PCDHGA5: variants seen among roughly 807,000 people sequenced by gnomAD.
PCDHGA5 encodes the protein protocadherin gamma-A5.
PCDHGA5 carries 36 observed loss-of-function variants against 56.7 expected under a neutral mutation model. The ratio of observed to expected loss-of-function variants is 0.64; its 90% CI spans 0.49 to 0.84. The LOEUF is 0.84. PCDHGA5 is among the 40% of genes least tolerant of loss of function. PCDHGA5 has a pLI of 0.00. For synonymous variants in PCDHGA5, 563 were observed against 520.2 expected, an observed-to-expected ratio of 1.08 and a Z score of -1.12; for missense variants, 1,305 against 1,201.5, an observed-to-expected ratio of 1.09 and a Z score of -1.27.
intron 1 of PCDHGA5, among the ~76,000 whole-genome samples, chr5:141,407,130 T>C (rs1218017139): frequency 1.3e-5 from 2 of 152,230 alleles, no homozygotes; most frequent in Non-Finnish European, 2.9e-5. Flanking sequence ...TTGCTTTATT[T>C]TTAAGAAAAA....
chr5:141,428,116 A>G, intron 1 of PCDHGA5: 1 of 1,607,216 alleles, frequency 6.2e-7, no homozygotes, highest in Non-Finnish European at 8.5e-7. Flanking sequence ...CAGGCCATCG[A>G]GCCCGGGCTT....
At chr5:141,454,837 G>A (rs1269424734) in intron 1 of PCDHGA5, among the ~76,000 whole-genome samples, 4 of 90,354 alleles carry the variant, frequency 4.4e-5, no homozygotes, top group East Asian at 6.5e-4. Flanking sequence ...AGACAGAGTC[G>A]CGCTCTGTCA....
intron 2 of PCDHGA5, among the ~76,000 whole-genome samples, chr5:141,502,988 C>A (rs1285178746): frequency 6.7e-6 from 1 of 150,346 alleles, no homozygotes; most frequent in Non-Finnish European, 1.5e-5. Flanking sequence ...GGATTACAGG[C>A]GTGTGCCACC....
intron 1 of PCDHGA5, among the ~76,000 whole-genome samples, chr5:141,447,104 A>G (rs1212797996): frequency 2.0e-5 from 3 of 151,958 alleles, no homozygotes; most frequent in African/African-American, 7.3e-5. Flanking sequence ...TCACATGATT[A>G]TATGTGCTCC....
Position 141,423,758 on chromosome 5 carries a change from GGGT to G in PCDHGA5, c.2421+57010_2421+57012del, listed in dbSNP as rs776356896. The G allele has an allele frequency of 7.0e-4, 256 of 366,834 alleles. 2 individuals are homozygous for G. The highest frequency in any genetic ancestry group is 6.8e-3 in the African/African-American group (232 of 34,230). The allele number at this position is 366,834 out of a possible 1,614,324, so 22.7% of individuals were successfully genotyped here. A position where few individuals can be genotyped will look rare whatever the true frequency, so the allele number is the denominator to read the frequency against. ...CTGTTATGAAAACTGTTTGGGGGGG[GGGT>G]GGGGCGGCATATATTTAGTTCATAT... On this transcript the variant is annotated intron_variant, in intron 1 of 3. Coordinates refer to ENST00000518069, the MANE Select transcript of PCDHGA5 (RefSeq NM_018918.3).
chr5:141,426,802 C>G (rs2096961440), intron 1 of PCDHGA5: 1 of 456,696 alleles, frequency 2.2e-6, no homozygotes, highest in South Asian at 1.5e-5. Flanking sequence ...CAGCTCAGTT[C>G]TAATGAACAT....
At position 141,403,413 on chromosome 5, in the gene PCDHGA5, T is replaced by G. The variant is rs1467852757; in HGVS notation, c.2421+36662T>G. The G allele has an allele frequency of 1.2e-6, 2 of 1,613,928 alleles. No individual in the cohort carries two copies. Among genetic ancestry groups the G allele is most frequent in the African/African-American group, 2.7e-5 (2 of 74,948 alleles). ...GCGGTTCCTGGAGCACGTTATCCACTTCCAGAAGCTATTGATCCGGATGTT... is the reference window on the plus strand; with the variant it reads ...GCGGTTCCTGGAGCACGTTATCCACGTCCAGAAGCTATTGATCCGGATGTT... On this transcript the variant is annotated intron_variant, in intron 1 of 3. Transcript: ENST00000518069.
intron 1 of PCDHGA5, chr5:141,384,943 G>A (rs777478209): frequency 5.6e-6 from 9 of 1,613,996 alleles, no homozygotes; most frequent in African/African-American, 2.7e-5. Context: ...TGAGCCCTCC[G>A]ACGGTCCTTA....
chr5:141,484,552 G>T (rs2099597743), intron 1 of PCDHGA5, among the ~76,000 whole-genome samples: 1 of 152,138 alleles, frequency 6.6e-6, no homozygotes, highest in African/African-American at 2.4e-5. Context: ...CTAATTAGCA[G>T]TTGCTCCAAT....
intron 1 of PCDHGA5, chr5:141,370,922 G>C (rs563952977): frequency 6.2e-7 from 1 of 1,613,978 alleles, no homozygotes; most frequent in Admixed American, 1.7e-5. Context: ...GCCCTGATCC[G>C]CACTTCTCTT....
At chr5:141,400,341 C>T in intron 1 of PCDHGA5, 7 of 1,614,070 alleles carry the variant, frequency 4.3e-6, no homozygotes, top group Non-Finnish European at 5.9e-6. Flanking sequence ...TTCCCCCCAA[C>T]TACAGTCAGG....
chr5:141,412,154 A>G (rs528810323), intron 1 of PCDHGA5: 1 of 152,344 alleles, frequency 6.6e-6, no homozygotes, highest in Admixed American at 6.5e-5. Flanking sequence ...ACTGCCTAAG[A>G]GAAGAGATTA....
intron 1 of PCDHGA5, chr5:141,420,003 T>C: frequency 6.2e-7 from 1 of 1,614,100 alleles, no homozygotes; most frequent in Non-Finnish European, 8.5e-7. Flanking sequence ...GCTCTACGCC[T>C]GCGACAGTCT....
At chr5:141,394,175 T>A in intron 1 of PCDHGA5, 1 of 1,613,944 alleles carries the variant, frequency 6.2e-7, no homozygotes, top group South Asian at 1.1e-5. Flanking sequence ...CTTTCCCTCA[T>A]GCCTCCTACT....
intron 1 of PCDHGA5, among the ~76,000 whole-genome samples, chr5:141,406,473 T>A (rs2094813817): frequency 6.6e-6 from 1 of 152,248 alleles, no homozygotes; most frequent in African/African-American, 2.4e-5. Context: ...CTCTTTGAGG[T>A]TATATTTTTC....
chr5:141,431,725 G>A lies in PCDHGA5; in HGVS notation c.2422-63082G>A. The A allele has an allele frequency of 6.2e-7, 1 of 1,614,230 alleles. No individual in the cohort carries two copies. Among genetic ancestry groups the A allele is most frequent in the Non-Finnish European group, 8.5e-7 (1 of 1,180,044 alleles). On this transcript the variant is annotated intron_variant, in intron 1 of 3. Coordinates refer to ENST00000518069, the MANE Select transcript of PCDHGA5 (RefSeq NM_018918.3). The surrounding 1 kb of genome is among the most constrained non-coding windows in gnomAD (Gnocchi z 4.8). Reference sequence around the variant, plus strand: ...TCTACCAGATGGAAGTGCAAGCAATGGATAATGCAGGATATTCTGCGCGAG... The same window carrying A: ...TCTACCAGATGGAAGTGCAAGCAATAGATAATGCAGGATATTCTGCGCGAG...
At position 141,494,854 on chromosome 5, in the gene PCDHGA5, C is replaced by T. The variant is rs1353498253; in HGVS notation, c.2469C>T (p.Pro823=). ...TDWRFSQAQR[P]GTSGSQNGDD... The stretch of plus-strand genomic sequence containing the variant: ...GGCGTTTCTCTCAGGCCCAGAGACC[C>T]GGCACCAGCGGGTAGGTGACTGATT... The change falls in exon 2 of 4, where the codon CCC becomes CCT. Residue 823 remains proline (P), a synonymous_variant. Coordinates refer to ENST00000518069, the MANE Select transcript of PCDHGA5 (RefSeq NM_018918.3). 1.2e-6 allele frequency: 2 copies of T among 1,614,120 alleles called. No homozygotes were observed. Among genetic ancestry groups the T allele is most frequent in the East Asian group, 2.2e-5 (1 of 44,870 alleles).
rs759899934 is a variant in PCDHGA5, at chr5:141,421,255, C to G, written c.2421+54504C>G. The stretch of plus-strand genomic sequence containing the variant: ...GGCGAATCGGCTACAGCGCGGGGAC[C>G]GCAGTCGGCTGCTGCTGCTGCTGTG... On this transcript the variant is annotated intron_variant, in intron 1 of 3. Coordinates refer to ENST00000518069, the MANE Select transcript of PCDHGA5 (RefSeq NM_018918.3). The G allele has an allele frequency of 6.0e-5, 97 of 1,607,644 alleles. No individual in the cohort carries two copies. Among genetic ancestry groups the G allele is most frequent in the Middle Eastern group, 3.3e-4 (2 of 6,058 alleles).
At position 141,490,551 on chromosome 5, in the gene PCDHGA5, T is replaced by A; in HGVS notation, c.2422-4256T>A. On this transcript the variant is annotated intron_variant, in intron 1 of 3. Coordinates refer to ENST00000518069, the MANE Select transcript of PCDHGA5 (RefSeq NM_018918.3). This position sits in a 1 kb window ranked among gnomAD's most constrained non-coding sequence, Gnocchi z 5.4. ...CTGGTTCACCTTCCCTACACAAACA[T>A]CTCACCATCAGGCTCAACATTTCAG... is the stretch of plus-strand genomic sequence containing the variant. 1 of 1,614,088 alleles carries A rather than the reference T, an allele frequency of 6.2e-7. No individual in the cohort carries two copies. Among genetic ancestry groups the A allele is most frequent in the East Asian group, 2.2e-5 (1 of 44,874 alleles).
Sources: gnomAD v4.1 joint callset for allele counts (sites outside exome capture counted in the v4.1 genomes callset) on GRCh38, gnomAD v4.1.1 for gene constraint, Gnocchi (gnomAD v3.1) non-coding constraint, MANE v1.5 for transcripts, NCBI Gene and HGNC (gene_info 2026-07-23, HGNC 2026-07-21) for gene names.